PPM1J: variants seen among roughly 807,000 people sequenced by gnomAD.
The protein encoded by PPM1J is protein phosphatase 1J.
A neutral mutation model predicts 53.3 loss-of-function variants in PPM1J; 43 were observed. The ratio of observed to expected loss-of-function variants is 0.81; its 90% CI spans 0.63 to 1.04. The LOEUF (loss-of-function observed/expected upper bound fraction) is 1.04, where lower values mean the gene tolerates loss of function less well. Among genes scored for constraint, PPM1J ranks in the 50% least tolerant of loss-of-function variants. The probability of loss-of-function intolerance (pLI) is 0.00; values close to 1 mark genes in which losing one functional copy is unlikely to be tolerated. For synonymous variants in PPM1J, 267 were observed against 286.4 expected (o/e 0.93, Z 0.68); for missense variants, 635 against 685.9 (o/e 0.93, Z 0.83).
Position 112,711,977 on chromosome 1 carries a change from C to G in PPM1J, c.921G>C (p.Gln307His). ...GAATTTGGTTCCTACTTACAAGCAG[C>G]TGAAGACGCTGGCGCTCAGTCTCCG... ...FTPETERQRL[Q>H]LLGFLKPELL... Residue 307 changes from glutamine to histidine, a missense_variant, in exon 5 of 10, where the codon CAG (glutamine) becomes CAC (histidine). Gln to His is a conservative substitution (Grantham distance 24, BLOSUM62 0). Transcript: ENST00000309276. The G allele has an allele frequency of 6.2e-7, 1 of 1,604,368 alleles. No individual in the cohort carries two copies. Among genetic ancestry groups the G allele is most frequent in the African/African-American group, 1.3e-5 (1 of 74,800 alleles).
chr1:112,712,174 T>C, intron 4 of PPM1J, 119 bp from the exon 5 acceptor site: 5 of 967,852 alleles, frequency 5.2e-6, no homozygotes, highest in Non-Finnish European at 7.7e-6. Context: ...CAGACCCCCA[T>C]ATCTGCCCCT....
intron 4 of PPM1J, 56 bp downstream of exon 4, chr1:112,712,289 C>T: frequency 7.4e-7 from 1 of 1,359,568 alleles, no homozygotes; most frequent in South Asian, 1.3e-5. Context: ...TCCTGTATTC[C>T]CCCAACTCAG....
At position 112,710,574 on chromosome 1, in the gene PPM1J, G is replaced by T. The variant is rs751927443; in HGVS notation, c.1256C>A (p.Pro419Gln). 15 of 1,614,086 alleles carry T rather than the reference G, an allele frequency of 9.3e-6. No homozygotes were observed. The South Asian group carries it at 1.6e-4, about 18-fold the overall frequency. ...VYDLTQYEHC[P>Q]DDVLVLGTDG... ...TGTTCCCAGGACTAGCACATCATCTGGGCAGTGCTCATATTGTGTCAGGTC... is the reference window on the plus strand; with the variant it reads ...TGTTCCCAGGACTAGCACATCATCTTGGCAGTGCTCATATTGTGTCAGGTC... Residue 419 changes from proline (P) to glutamine (Q), a missense_variant, in exon 9 of 10, where the codon CCA becomes CAA. By Grantham distance (76) the Pro-to-Gln change is moderately conservative (BLOSUM62 -1). Transcript: ENST00000309276.
Position 112,710,102 on chromosome 1 carries a change from A to C in PPM1J, c.*61T>G. 6.7e-7 allele frequency: 1 copy of C among 1,493,728 alleles called. No homozygotes were observed. The highest frequency in any genetic ancestry group is 8.9e-7 in the Non-Finnish European group (1 of 1,124,102). 92.5% of individuals were successfully genotyped at this position (1,493,728 alleles called of 1,614,324 possible). Reference sequence around the variant, plus strand: ...AGAAGGGTCAGGGAGACAACTTCAGAATTTGGGCTGTGAGAGGAGTAAGTA... The same window carrying C: ...AGAAGGGTCAGGGAGACAACTTCAGCATTTGGGCTGTGAGAGGAGTAAGTA... On this transcript the variant is annotated 3_prime_UTR_variant, in exon 10 of 10. Transcript: ENST00000309276.
rs936687663 is a variant in PPM1J, at chr1:112,712,012, C to A, written c.886G>T (p.Glu296Ter). 6.2e-7 allele frequency: 1 copy of A among 1,610,992 alleles called. No homozygotes were observed. Among genetic ancestry groups the A allele is most frequent in the Non-Finnish European group, 8.5e-7 (1 of 1,177,994 alleles). The part of the protein sequence containing the change: ...RNGEIIPMSR[E>*]FTPETERQRL... ...TGGCGCTCAGTCTCCGGGGTAAACT[C>A]CCGGGACATTGGAATGATTTCACCA... The change falls in exon 5 of 10, where the codon GAG becomes TAG. Residue 296 changes from glutamate to a stop codon, truncating the protein, a stop_gained. Coordinates refer to ENST00000309276, the MANE Select transcript of PPM1J (RefSeq NM_005167.7). LOFTEE classifies it high-confidence loss of function.
chr1:112,714,763 GA>G, intron 1 of PPM1J: 1 of 1,257,612 alleles, frequency 8.0e-7, no homozygotes, highest in Non-Finnish European at 1.0e-6. Context: ...CAATGAGCGG[GA>G]AGGACGTGAA....
In PPM1J at chr1:112,712,206, C is replaced by G. The variant is rs72701128; in HGVS notation, c.842+139G>C. The stretch of plus-strand genomic sequence containing the variant: ...CCCTGACCCCACCCAATGGATATTT[C>G]AGGCCACTCCTTATGTCTGTCACCC... On this transcript the variant is annotated intron_variant, in intron 4 of 9. Transcript: ENST00000309276. 5.9e-3 allele frequency: 5,414 copies of G among 923,152 alleles called. 18 individuals carry two copies. The highest frequency in any genetic ancestry group is 7.7e-3 in the Non-Finnish European group (4,612 of 600,672). 57.2% of individuals were successfully genotyped at this position (923,152 alleles called of 1,614,324 possible). A position where few individuals can be genotyped will look rare whatever the true frequency, so the allele number is the denominator to read the frequency against.
chr1:112,713,092 G>GTT (rs1376000422), intron 2 of PPM1J, 61 bp from the exon 3 acceptor site: 2 of 1,397,310 alleles, frequency 1.4e-6, no homozygotes, highest in Admixed American at 4.2e-5. Context: ...GTGTGTGTGT[G>GTT]TGTGTTATGC....
At chr1:112,712,649 G>C in intron 3 of PPM1J, 95 bp downstream of exon 3, 1 of 1,323,556 alleles carries the variant, frequency 7.6e-7, no homozygotes, top group Non-Finnish European at 1.1e-6. Context: ...GCTCTCAAAG[G>C]TGTTGTGGGT....
intron 2 of PPM1J, 41 bp downstream of exon 2, chr1:112,713,456 A>G (rs1351130035): frequency 7.2e-7 from 1 of 1,386,810 alleles, no homozygotes; most frequent in Admixed American, 1.7e-5. Context: ...GTCCCTGGGG[A>G]GAGGTGTCAC....
chr1:112,712,146 C>T, intron 4 of PPM1J, 91 bp from the exon 5 acceptor site: 1 of 1,136,022 alleles, frequency 8.8e-7, no homozygotes, highest in Non-Finnish European at 1.3e-6. Context: ...TCCATAATGA[C>T]CTTTCAGATC....
chr1:112,711,084 G>T lies in PPM1J; in HGVS notation c.1047-13C>A. 3 of 1,612,916 alleles carry T rather than the reference G, an allele frequency of 1.9e-6. No individual in the cohort carries two copies. Among genetic ancestry groups the T allele is most frequent in the South Asian group, 2.2e-5 (2 of 91,044 alleles). Reference sequence around the variant, plus strand: ...CTTTTTGTAGGCCCTGGGGAGGGGGGAGTAGAGGAGGCATCACCCAGGCAT... The same window carrying T: ...CTTTTTGTAGGCCCTGGGGAGGGGGTAGTAGAGGAGGCATCACCCAGGCAT... On this transcript the variant is annotated splice_polypyrimidine_tract_variant and intron_variant, in intron 6 of 9. Coordinates refer to ENST00000309276, the MANE Select transcript of PPM1J (RefSeq NM_005167.7).
At chr1:112,712,502 C>CAA (rs755399863) in intron 3 of PPM1J, 45 bp from the exon 4 acceptor site, 26 of 1,533,336 alleles carry the variant, frequency 1.7e-5, no homozygotes, top group Middle Eastern at 1.7e-4. Context: ...GGAGAGGTTC[C>CAA]AGCACACAGT....
rs749522818 is a variant in PPM1J, at chr1:112,711,310, C to T, written c.1002G>A (p.Glu334=). The part of the protein sequence containing the change: ...LEFPRRVLPK[E]LGQRMLYRDQ... ...CCCGGTACAACATCCTCTGCCCCAG[C>T]TCCTTGGGCAGAACTCTGCGGGGGA... Residue 334 remains glutamate (E), a synonymous_variant, in exon 6 of 10, where the codon GAG becomes GAA. Coordinates refer to ENST00000309276, the MANE Select transcript of PPM1J (RefSeq NM_005167.7). The T allele has an allele frequency of 5.6e-6, 9 of 1,607,888 alleles. No homozygotes were observed. In the Admixed American group the frequency reaches 1.5e-4, roughly 27 times the overall value.
chr1:112,712,620 T>C, intron 3 of PPM1J, 124 bp downstream of exon 3: 1 of 1,204,374 alleles, frequency 8.3e-7, no homozygotes, highest in Non-Finnish European at 1.2e-6. Flanking sequence ...CCCTCCCCTC[T>C]GAACCAAGCT....
chr1:112,713,468 G>C (rs1394166087), intron 2 of PPM1J, 29 bp downstream of exon 2: 1 of 1,505,038 alleles, frequency 6.6e-7, no homozygotes. Flanking sequence ...AGGTGTCACT[G>C]TGTCTCTGGG....
rs1675038625 is a variant in PPM1J, at chr1:112,710,831, A to G, written c.1131T>C (p.Ile377=). The change falls in exon 8 of 10, where the codon ATT becomes ATC. Residue 377 remains isoleucine (I), a synonymous_variant. Transcript: ENST00000309276. ...GGTCTCCCAAGCCTCGGGTCACCCC[A>G]ATGGTGGCCATCACCCGAGCCTGAA... ...EGKKARVMAT[I]GVTRGLGDHS... is the part of the protein sequence containing the mutation. The G allele has an allele frequency of 1.2e-6, 2 of 1,613,748 alleles. No individual in the cohort carries two copies. Among genetic ancestry groups the G allele is most frequent in the African/African-American group, 2.7e-5 (2 of 74,890 alleles).
chr1:112,711,856 C>T, intron 5 of PPM1J, 115 bp downstream of exon 5: 1 of 723,690 alleles, frequency 1.4e-6, no homozygotes, highest in Non-Finnish European at 2.3e-6. Flanking sequence ...GCGGCCTTCC[C>T]AGTAAAGTGC....
Position 112,715,101 on chromosome 1 carries a change from GA to G in PPM1J, c.200del (p.Phe67SerfsTer9). ...PAKAVEARAS[F>X]SRPTFLQLSP... ...TCAGCTGCAGAAAGGTCGGTCTGGAGAAGCTCGCTCGAGCCTCAACAGCCTT... is the reference window on the plus strand; with the variant it reads ...TCAGCTGCAGAAAGGTCGGTCTGGAGAGCTCGCTCGAGCCTCAACAGCCTT... On this transcript the variant is annotated frameshift_variant, in exon 1 of 10. Transcript: ENST00000309276. LOFTEE classifies it high-confidence loss of function. This position sits in a 1 kb window ranked among gnomAD's most constrained non-coding sequence, Gnocchi z 4.4. 1 of 1,562,050 alleles carries G rather than the reference GA, an allele frequency of 6.4e-7. No homozygotes were observed. Among genetic ancestry groups the G allele is most frequent in the Admixed American group, 1.8e-5 (1 of 55,416 alleles).
Sources: gnomAD v4.1 joint callset for allele counts on GRCh38, gnomAD v4.1.1 for gene constraint, Gnocchi (gnomAD v3.1) non-coding constraint, MANE v1.5 for transcripts, NCBI Gene and HGNC (gene_info 2026-07-23, HGNC 2026-07-21) for gene names.